Variants in ZSWIM4 observed in about 807,000 individuals in gnomAD.
ZSWIM4 encodes zinc finger SWIM-type containing 4, also known as zinc finger SWIM domain-containing protein 4.
ZSWIM4 carries 62 observed loss-of-function variants against 102.5 expected under a neutral mutation model. The observed-to-expected ratio is 0.60, with a 90% CI of 0.49 to 0.75. The LOEUF (loss-of-function observed/expected upper bound fraction) is 0.75. Among genes scored for constraint, ZSWIM4 ranks in the 30% least tolerant of loss-of-function variants. The probability of loss-of-function intolerance (pLI) is 0.00; values close to 1 mark genes in which losing one functional copy is unlikely to be tolerated. For missense variants in ZSWIM4, 1,280 were observed against 1,529.6 expected (o/e 0.84, Z 2.72); for synonymous variants, 652 against 674.5 (o/e 0.97, Z 0.52).
chr19:13,827,606 AAG>A (rs1491037342), intron 12 of ZSWIM4, among the ~76,000 whole-genome samples: 17 of 140,230 alleles, frequency 1.2e-4, no homozygotes, highest in Non-Finnish European at 1.8e-4. Flanking sequence ...AAAAAAAAAA[AAG>A]AAAAGAAAAA....
At chr19:13,796,989 GTC>G (rs1974629404) in intron 1 of ZSWIM4, 1 of 152,468 alleles carries the variant, frequency 6.6e-6, no homozygotes, top group African/African-American at 2.4e-5. Context: ...GCCTGGGCTG[GTC>G]ATTGCCTCTC....
chr19:13,796,264 C>T (rs2145237992), intron 1 of ZSWIM4, among the ~76,000 whole-genome samples: 1 of 151,702 alleles, frequency 6.6e-6, no homozygotes, highest in Middle Eastern at 3.4e-3. Context: ...CCAATCAGGG[C>T]ACCCCATTCA....
intron 2 of ZSWIM4, among the ~76,000 whole-genome samples, chr19:13,800,741 AC>A: frequency 1.3e-5 from 2 of 152,188 alleles, no homozygotes. Flanking sequence ...CTCAAGGATC[AC>A]CCTAGAACCC....
At chr19:13,813,629 A>G (rs1177680321) in intron 6 of ZSWIM4, among the ~76,000 whole-genome samples, 1 of 151,998 alleles carries the variant, frequency 6.6e-6, no homozygotes, top group East Asian at 1.9e-4. Flanking sequence ...AAAAATTTAT[A>G]GCAAGTACAG....
chr19:13,796,287 C>T (rs1974610743), intron 1 of ZSWIM4, among the ~76,000 whole-genome samples: 1 of 151,964 alleles, frequency 6.6e-6, no homozygotes, highest in Non-Finnish European at 1.5e-5. Flanking sequence ...CTTCAATCCT[C>T]TCTTCGGCCC....
chr19:13,801,019 T>C (rs1235701939), intron 2 of ZSWIM4, among the ~76,000 whole-genome samples: 1 of 152,042 alleles, frequency 6.6e-6, no homozygotes, highest in Non-Finnish European at 1.5e-5. Flanking sequence ...GGCGGGTGCC[T>C]GTGGTCCCAG....
At position 13,825,845 on chromosome 19, in the gene ZSWIM4, C is replaced by T. The variant is rs559099132; in HGVS notation, c.2379+132C>T. 8.9e-5 allele frequency: 111 copies of T among 1,247,118 alleles called. No individual in the cohort carries two copies. In the Middle Eastern group the frequency reaches 1.1e-3, roughly 13 times the overall value. 77.3% of individuals were successfully genotyped at this position (1,247,118 alleles called of 1,614,324 possible). A position where few individuals can be genotyped will look rare whatever the true frequency, so the allele number is the denominator to read the frequency against. On this transcript the variant is annotated intron_variant, in intron 12 of 13. Coordinates refer to ENST00000590508, the MANE Select transcript of ZSWIM4 (RefSeq NM_001367834.3). The surrounding 1 kb of genome is among the most constrained non-coding windows in gnomAD (Gnocchi z 4.6). ...GGGCCCGGCATTTGCGTGAGCTATT[C>T]CTCTGTGGCTGGGGACTGAGCGAGA...
At position 13,810,439 on chromosome 19, in the gene ZSWIM4, C is replaced by T. The variant is rs1337818055; in HGVS notation, c.1012+1219C>T. 2.6e-5 allele frequency among the ~76,000 whole-genome samples: 4 copies of T among 151,750 alleles called. No individual in the cohort carries two copies. In the South Asian group the frequency reaches 6.2e-4, roughly 24 times the overall value. On this transcript the variant is annotated intron_variant, in intron 5 of 13. Transcript: ENST00000590508. ...TTCTCAGTAGCTGGGATTATAGGTG[C>T]GTGCCACCATGCCTAGCTAATTATT...
At chr19:13,806,235 G>C (rs905981326) in intron 3 of ZSWIM4, among the ~76,000 whole-genome samples, 1 of 151,422 alleles carries the variant, frequency 6.6e-6, no homozygotes, top group Non-Finnish European at 1.5e-5. Context: ...AGAGACAGGG[G>C]TTTCCCCATG....
chr19:13,805,128 C>G lies in ZSWIM4; in HGVS notation c.692C>G (p.Ser231Cys). Residue 231 changes from serine (S) to cysteine (C), a missense_variant, in exon 3 of 14, where the codon TCC (serine) becomes TGC (cysteine). Ser to Cys is a moderately radical substitution (Grantham distance 112, BLOSUM62 -1). Transcript: ENST00000590508. The part of the protein sequence containing the change: ...RLADEILLLG[S>C]EINLVNGAPD... ...GCTGATGAGATCCTCCTGCTGGGCTCCGAGATCAACTTGGTGAATGGTAAG... is the reference window on the plus strand; with the variant it reads ...GCTGATGAGATCCTCCTGCTGGGCTGCGAGATCAACTTGGTGAATGGTAAG... 2 of 1,597,958 alleles carry G rather than the reference C, an allele frequency of 1.3e-6. No homozygotes were observed. The highest frequency in any genetic ancestry group is 1.7e-6 in the Non-Finnish European group (2 of 1,178,440).
rs532248311 is a variant in ZSWIM4 at position 13,799,940 on chromosome 19, C to G, written c.355+19C>G. On this transcript the variant is annotated intron_variant, in intron 2 of 13. Transcript: ENST00000590508. ...CAAGTGGGTGAGTCTTTGTCCCCCA[C>G]TCCTGCTGGGGAGGCCAGGAGGTCC... 1 of 1,602,166 alleles carries G rather than the reference C, an allele frequency of 6.2e-7. No homozygotes were observed. The highest frequency in any genetic ancestry group is 8.5e-7 in the Non-Finnish European group (1 of 1,177,160).
chr19:13,827,929 C>T (rs1404567106), intron 12 of ZSWIM4, among the ~76,000 whole-genome samples: 7 of 152,012 alleles, frequency 4.6e-5, no homozygotes, highest in Non-Finnish European at 7.4e-5. Context: ...GTTTCAGGAG[C>T]GAAGGGACAG....
In ZSWIM4 at chr19:13,825,319, G is replaced by A. The variant is rs28455550; in HGVS notation, c.2216-231G>A. On this transcript the variant is annotated intron_variant, in intron 11 of 13. Coordinates refer to ENST00000590508, the MANE Select transcript of ZSWIM4 (RefSeq NM_001367834.3). This position sits in a 1 kb window ranked among gnomAD's most constrained non-coding sequence, Gnocchi z 4.6. ...TGGGATTACAGGTGTGAGCCACTGC[G>A]CCCGGCCCCTAGGTGGCTTTCTGTA... Among the ~76,000 whole-genome samples the A allele has an allele frequency of 0.34, 51,801 of 151,846 alleles. 9,508 individuals are homozygous for A. The highest frequency in any genetic ancestry group is 0.48 in the African/African-American group (20,048 of 41,384).
chr19:13,801,631 A>C (rs906561714), intron 2 of ZSWIM4, among the ~76,000 whole-genome samples: 1 of 152,034 alleles, frequency 6.6e-6, no homozygotes, highest in Non-Finnish European at 1.5e-5. Flanking sequence ...ACCTAAGGCA[A>C]CAGGGCTGAG....
rs139073180 is a variant in ZSWIM4, at chr19:13,818,289, A to C, written c.1924+313A>C. ...GGCGTCCCACCTTCATCCGCAACTTAGACACCGCCCCTGTCCCGGCCTGCT... is the reference window on the plus strand; with the variant it reads ...GGCGTCCCACCTTCATCCGCAACTTCGACACCGCCCCTGTCCCGGCCTGCT... On this transcript the variant is annotated intron_variant, in intron 9 of 13. Transcript: ENST00000590508. Among the ~76,000 whole-genome samples the C allele has an allele frequency of 6.0e-3, 911 of 152,232 alleles. 8 individuals are homozygous for C. Among genetic ancestry groups the C allele is most frequent in the African/African-American group, 0.021 (869 of 41,554 alleles).
Position 13,809,364 on chromosome 19 carries a change from A to G in ZSWIM4, c.1012+144A>G, listed in dbSNP as rs895225903. ...TATGAGCGCCTCTAAAGTGCCAGGC[A>G]TGGTACTGGGCACTGGTGGTCCGGC... On this transcript the variant is annotated intron_variant, in intron 5 of 13. Transcript: ENST00000590508. This position sits in a 1 kb window ranked among gnomAD's most constrained non-coding sequence, Gnocchi z 4.2. The G allele has an allele frequency of 2.5e-6, 3 of 1,180,356 alleles. No homozygotes were observed. The highest frequency in any genetic ancestry group is 3.5e-6 in the Non-Finnish European group (3 of 866,392). The allele number at this position is 1,180,356 out of a possible 1,614,324, so 73.1% of individuals were successfully genotyped here.
chr19:13,811,521 C>A (rs1000577957), intron 5 of ZSWIM4, among the ~76,000 whole-genome samples: 1 of 151,840 alleles, frequency 6.6e-6, no homozygotes, highest in African/African-American at 2.4e-5. Flanking sequence ...CAGAGCAAGA[C>A]CCTGTCTCAA....
At chr19:13,802,460 A>T (rs1298111745) in intron 2 of ZSWIM4, among the ~76,000 whole-genome samples, 1 of 151,654 alleles carries the variant, frequency 6.6e-6, no homozygotes, top group Non-Finnish European at 1.5e-5. Context: ...CATGCCTGTA[A>T]TCCCAGCTAC....
intron 5 of ZSWIM4, among the ~76,000 whole-genome samples, chr19:13,810,967 G>A (rs1975070074): frequency 7.5e-6 from 1 of 133,944 alleles, no homozygotes; most frequent in African/African-American, 2.9e-5. Flanking sequence ...AGGCTGTAGT[G>A]CAGTGGCACG....
Sources: allele counts gnomAD v4.1 joint callset (sites outside exome capture counted in the v4.1 genomes callset), GRCh38; gene constraint gnomAD v4.1.1; non-coding constraint Gnocchi (gnomAD v3.1); transcripts MANE v1.5; gene names NCBI Gene and HGNC (gene_info 2026-07-23, HGNC 2026-07-21).